Variants in RASAL2 observed in about 807,000 individuals in gnomAD.
RASAL2 encodes the protein ras GTPase-activating protein nGAP.
A neutral mutation model predicts 128.9 loss-of-function variants in RASAL2; 58 were observed. The ratio of observed to expected loss-of-function variants is 0.45; its 90% CI spans 0.36 to 0.56. The LOEUF (loss-of-function observed/expected upper bound fraction) is 0.56. Ranked by LOEUF, RASAL2 falls within the 20% of genes least tolerant of loss-of-function variation. RASAL2 has a pLI of 0.00. For synonymous variants in RASAL2, 561 were observed against 580.8 expected (o/e 0.97, Z 0.49); for missense variants, 1,360 against 1,601.6 (o/e 0.85, Z 2.57).
At chr1:178,105,978 G>A (rs1240319995) in intron 1 of RASAL2, among the ~76,000 whole-genome samples, 11 of 152,032 alleles carry the variant, frequency 7.2e-5, no homozygotes, top group South Asian at 4.1e-4. Flanking sequence ...ACCCAGCCAC[G>A]TTTTCTTTTT....
chr1:178,236,756 C>CTTT (rs549848632), intron 1 of RASAL2, among the ~76,000 whole-genome samples: 187 of 118,416 alleles, frequency 1.6e-3, no homozygotes, highest in East Asian at 3.2e-3. Context: ...TTGGACACTA[C>CTTT]TTTTTTTTTT....
chr1:178,185,763 T>TATGAAATGC (rs778685051), intron 1 of RASAL2, among the ~76,000 whole-genome samples: 1 of 152,142 alleles, frequency 6.6e-6, no homozygotes, highest in Non-Finnish European at 1.5e-5. Flanking sequence ...TAATTCTTCC[T>TATGAAATGC]ATGAAATGCT....
chr1:178,465,466 A>G (rs1166616454), intron 15 of RASAL2, among the ~76,000 whole-genome samples: 12 of 152,204 alleles, frequency 7.9e-5, no homozygotes, highest in Non-Finnish European at 8.8e-5. Flanking sequence ...GCAGATGATG[A>G]CACAGAATCT....
intron 1 of RASAL2, among the ~76,000 whole-genome samples, chr1:178,209,503 A>G (rs1048520902): frequency 5.3e-5 from 8 of 152,132 alleles, no homozygotes; most frequent in African/African-American, 1.7e-4. Context: ...TTCCATTCCT[A>G]TATAGGTGAC....
intron 4 of RASAL2, among the ~76,000 whole-genome samples, chr1:178,406,200 G>A (rs573777078): frequency 1.3e-5 from 2 of 152,116 alleles, no homozygotes; most frequent in Non-Finnish European, 2.9e-5. Flanking sequence ...GAAATAACTC[G>A]AACGTCCATG....
At chr1:178,180,883 G>A (rs1447563422) in intron 1 of RASAL2, among the ~76,000 whole-genome samples, 1 of 151,320 alleles carries the variant, frequency 6.6e-6, no homozygotes, top group Non-Finnish European at 1.5e-5. Flanking sequence ...AAGCTGGGGA[G>A]AAGAAACCAC....
chr1:178,146,232 A>G (rs1196525055), intron 1 of RASAL2, among the ~76,000 whole-genome samples: 1 of 152,234 alleles, frequency 6.6e-6, no homozygotes, highest in Non-Finnish European at 1.5e-5. Flanking sequence ...CTGGAAAATA[A>G]TACAGATTAT....
At chr1:178,461,827 T>C (rs1678220442) in intron 14 of RASAL2, among the ~76,000 whole-genome samples, 1 of 152,230 alleles carries the variant, frequency 6.6e-6, no homozygotes, top group African/African-American at 2.4e-5. Context: ...TTTCACACTA[T>C]GAAGCTGAAA....
At chr1:178,423,838 T>C (rs1675321631) in intron 5 of RASAL2, among the ~76,000 whole-genome samples, 1 of 152,218 alleles carries the variant, frequency 6.6e-6, no homozygotes, top group African/African-American at 2.4e-5. Context: ...TTGAGTTGTT[T>C]GTCCTATTTC....
chr1:178,413,148 T>C (rs969288895), intron 4 of RASAL2, among the ~76,000 whole-genome samples: 29 of 152,128 alleles, frequency 1.9e-4, no homozygotes, highest in Non-Finnish European at 7.4e-5. Context: ...TTTGTAGAGA[T>C]GGGGTTTTGC....
At chr1:178,464,831 GTT>G (rs986789340) in intron 15 of RASAL2, among the ~76,000 whole-genome samples, 825 of 38,116 alleles carry the variant, frequency 0.022, 6 homozygotes, top group African/African-American at 0.08. Flanking sequence ...GGTTTTAGTT[GTT>G]TTTTTTTTTT....
At chr1:178,320,526 G>A (rs376121576) in intron 3 of RASAL2, among the ~76,000 whole-genome samples, 5 of 152,190 alleles carry the variant, frequency 3.3e-5, no homozygotes, top group East Asian at 3.9e-4. Context: ...TCTGAAAAGC[G>A]CAATATTTGG....
intron 1 of RASAL2, among the ~76,000 whole-genome samples, chr1:178,132,534 A>G (rs1226182481): frequency 3.3e-5 from 5 of 152,280 alleles, no homozygotes; most frequent in African/African-American, 1.2e-4. Flanking sequence ...TCACCCAGTA[A>G]TTTACCTGTA....
intron 1 of RASAL2, among the ~76,000 whole-genome samples, chr1:178,178,164 G>T (rs1196436873): frequency 3.9e-5 from 6 of 152,010 alleles, no homozygotes; most frequent in Non-Finnish European, 5.9e-5. Context: ...AAATTCAATA[G>T]GAATAATAAA....
chr1:178,458,472 G>A lies in RASAL2; in HGVS notation c.3180G>A (p.Arg1060=). 1 of 1,614,126 alleles carries A rather than the reference G, an allele frequency of 6.2e-7. No individual in the cohort carries two copies. Among genetic ancestry groups the A allele is most frequent in the Non-Finnish European group, 8.5e-7 (1 of 1,180,034 alleles). The change falls in exon 14 of 18, where the codon CGG becomes CGA. Residue 1060 remains arginine (R), a synonymous_variant. Transcript: ENST00000367649. ...CTGTGCAGAATGGGAGCCGGTCCCG[G>A]CAGCAGTCCTCTTCCTCCAGAGAGA... is the stretch of plus-strand genomic sequence containing the variant. The part of the protein sequence containing the change: ...AEPVQNGSRS[R]QQSSSSRESP...
intron 1 of RASAL2, among the ~76,000 whole-genome samples, chr1:178,110,816 G>A (rs1659292663): frequency 6.6e-6 from 1 of 151,596 alleles, no homozygotes; most frequent in Admixed American, 6.6e-5. Flanking sequence ...TCGAACTCCT[G>A]AGCTCAGGCA....
chr1:178,414,584 A>T (rs979451774), intron 4 of RASAL2, among the ~76,000 whole-genome samples: 2 of 152,088 alleles, frequency 1.3e-5, no homozygotes, highest in African/African-American at 2.4e-5. Flanking sequence ...AAATCTTTAT[A>T]TCTTCTACTC....
intron 1 of RASAL2, among the ~76,000 whole-genome samples, chr1:178,257,423 A>ATGTGTGTGTGTGTGTGTGTGTGTGTG (rs71108037): frequency 2.0e-5 from 3 of 147,150 alleles, no homozygotes; most frequent in South Asian, 4.4e-4. Context: ...GCTCAGGGAT[A>ATGTGTGTGTGTGTGTGTGTGTGTGTG]TGTGTGTGTG....
At chr1:178,406,296 T>G (rs919696824) in intron 4 of RASAL2, among the ~76,000 whole-genome samples, 6 of 152,174 alleles carry the variant, frequency 3.9e-5, no homozygotes, top group African/African-American at 1.4e-4. Flanking sequence ...CATGCATAAA[T>G]TTCAAAAACA....
Sources: allele counts gnomAD v4.1 joint callset (sites outside exome capture counted in the v4.1 genomes callset), GRCh38; gene constraint gnomAD v4.1.1; transcripts MANE v1.5; gene names NCBI Gene and HGNC (gene_info 2026-07-23, HGNC 2026-07-21).